TNNI3K: variants seen among roughly 807,000 people sequenced by gnomAD.
TNNI3K encodes the protein serine/threonine-protein kinase TNNI3K.
A neutral mutation model predicts 114.5 loss-of-function variants in TNNI3K; 140 were observed. The ratio of observed to expected loss-of-function variants is 1.22; its 90% confidence interval spans 1.07 to 1.41. The LOEUF (loss-of-function observed/expected upper bound fraction) is 1.41. Among genes scored for constraint, TNNI3K ranks in the 40% most tolerant of loss-of-function variants. TNNI3K has a pLI of 0.00. For missense variants in TNNI3K, 1,125 were observed against 1,007.6 expected, an observed-to-expected ratio of 1.12 and a Z score of -1.58; for synonymous variants, 347 against 347.5, an observed-to-expected ratio of 1.00 and a Z score of 0.02.
At chr1:74,348,835 C>A (rs931662270) in intron 9 of TNNI3K, among the ~76,000 whole-genome samples, 1 of 152,044 alleles carries the variant, frequency 6.6e-6, no homozygotes, top group Non-Finnish European at 1.5e-5. Context: ...GTGATTTTTG[C>A]ACATTGATTT....
rs143188295 is a variant in TNNI3K, at chr1:74,414,120, T to C, written c.1773-21960T>C. ...AGCTATTGTGTTTATTAGTGTTGCA[T>C]TTGTGGCATCTGAATTAATCACGGA... On this transcript the variant is annotated intron_variant, in intron 17 of 24. Coordinates refer to ENST00000326637, the MANE Select transcript of TNNI3K (RefSeq NM_015978.3). 2.4e-4 allele frequency among the ~76,000 whole-genome samples: 37 copies of C among 152,326 alleles called. No individual in the cohort carries two copies. The East Asian group carries it at 6.9e-3, about 29-fold the overall frequency.
chr1:74,524,065 A>C (rs1646469950), intron 23 of TNNI3K, among the ~76,000 whole-genome samples: 1 of 152,236 alleles, frequency 6.6e-6, no homozygotes, highest in Non-Finnish European at 1.5e-5. Flanking sequence ...TTGTTTTTGC[A>C]AAGCATTGAC....
chr1:74,235,643 A>C lies in TNNI3K; in HGVS notation c.40+152A>C, dbSNP rs2100819133. Reference sequence around the variant, plus strand: ...AGTCTTTGAAAAACTATCTGAACTCAAATTATTTTTTTCTGAAGATCTTTA... The same window carrying C: ...AGTCTTTGAAAAACTATCTGAACTCCAATTATTTTTTTCTGAAGATCTTTA... On this transcript the variant is annotated intron_variant, in intron 1 of 24. Coordinates refer to ENST00000326637, the MANE Select transcript of TNNI3K (RefSeq NM_015978.3). 1.9e-5 allele frequency: 9 copies of C among 473,494 alleles called. No homozygotes were observed. The South Asian group carries it at 3.9e-4, about 21-fold the overall frequency. The allele number at this position is 473,494 out of a possible 1,614,324, so 29.3% of individuals were successfully genotyped here.
At chr1:74,444,639 A>G (rs1383258254) in intron 20 of TNNI3K, among the ~76,000 whole-genome samples, 2 of 152,196 alleles carry the variant, frequency 1.3e-5, no homozygotes, top group Non-Finnish European at 2.9e-5. Flanking sequence ...TGCTATTACC[A>G]TTAAGTAACT....
intron 17 of TNNI3K, among the ~76,000 whole-genome samples, chr1:74,394,767 G>A (rs964749635): frequency 1.2e-4 from 19 of 152,282 alleles, no homozygotes; most frequent in African/African-American, 3.6e-4. Context: ...CACTTAGGCC[G>A]GGCGCAGTGG....
rs1000653008 is a variant in TNNI3K at position 74,243,202 on chromosome 1, G to C, written c.150-6257G>C. 5.9e-5 allele frequency among the ~76,000 whole-genome samples: 9 copies of C among 152,236 alleles called. No individual in the cohort carries two copies. In the South Asian group the frequency reaches 1.7e-3, roughly 28 times the overall value. On this transcript the variant is annotated intron_variant, in intron 2 of 24. Transcript: ENST00000326637. Reference sequence around the variant, plus strand: ...ATAATTGTTTATTGTATGAATGGCTGAATAAATGAATATACTTCACAGTAT... The same window carrying C: ...ATAATTGTTTATTGTATGAATGGCTCAATAAATGAATATACTTCACAGTAT...
chr1:74,536,109 C>T (rs531879479), intron 23 of TNNI3K, among the ~76,000 whole-genome samples: 1 of 152,220 alleles, frequency 6.6e-6, no homozygotes, highest in East Asian at 1.9e-4. Context: ...ACTCACTAGC[C>T]TAGTTTGTAG....
intron 17 of TNNI3K, among the ~76,000 whole-genome samples, chr1:74,430,077 C>A (rs1436200062): frequency 6.6e-6 from 1 of 152,100 alleles, no homozygotes; most frequent in African/African-American, 2.4e-5. Context: ...CTTTAAAGAA[C>A]TCCTAATGGT....
intron 23 of TNNI3K, among the ~76,000 whole-genome samples, chr1:74,515,100 G>T (rs1411754708): frequency 6.6e-6 from 1 of 152,176 alleles, no homozygotes; most frequent in Admixed American, 6.5e-5. Context: ...CCTTCAGAAA[G>T]AACCAACCTT....
chr1:74,391,052 C>G (rs72673296), intron 17 of TNNI3K, among the ~76,000 whole-genome samples: 1 of 150,848 alleles, frequency 6.6e-6, no homozygotes, highest in East Asian at 1.9e-4. Flanking sequence ...GCAAAAGCCA[C>G]AACATGTATG....
intron 2 of TNNI3K, among the ~76,000 whole-genome samples, chr1:74,244,414 T>TAGCTG (rs1184319962): frequency 6.6e-6 from 1 of 152,088 alleles, no homozygotes; most frequent in Non-Finnish European, 1.5e-5. Context: ...AAGATTCAGT[T>TAGCTG]AGCTGAGGAA....
intron 17 of TNNI3K, among the ~76,000 whole-genome samples, chr1:74,399,785 G>T (rs1293563191): frequency 6.6e-6 from 1 of 152,024 alleles, no homozygotes; most frequent in Non-Finnish European, 1.5e-5. Context: ...AGAGTGAGAG[G>T]GTTCACAATT....
At chr1:74,356,567 T>C (rs896075654) in intron 11 of TNNI3K, among the ~76,000 whole-genome samples, 1 of 152,234 alleles carries the variant, frequency 6.6e-6, no homozygotes, top group Non-Finnish European at 1.5e-5. Context: ...TTAGCTTCAG[T>C]GTAAGACTGT....
At chr1:74,515,682 A>T (rs1646339259) in intron 23 of TNNI3K, among the ~76,000 whole-genome samples, 1 of 152,202 alleles carries the variant, frequency 6.6e-6, no homozygotes, top group Admixed American at 6.5e-5. Flanking sequence ...GGGCAGACAC[A>T]ACAGGTGAGG....
At chr1:74,358,578 A>C (rs1280791021) in intron 11 of TNNI3K, among the ~76,000 whole-genome samples, 1 of 152,064 alleles carries the variant, frequency 6.6e-6, no homozygotes. Context: ...ATAAATTTTC[A>C]CCAATAGATT....
At chr1:74,432,910 C>T (rs1391661810) in intron 17 of TNNI3K, among the ~76,000 whole-genome samples, 1 of 152,000 alleles carries the variant, frequency 6.6e-6, no homozygotes, top group African/African-American at 2.4e-5. Flanking sequence ...AGCTATGATA[C>T]AGGACACTGA....
chr1:74,311,434 C>A (rs548865360), intron 5 of TNNI3K, among the ~76,000 whole-genome samples: 1 of 152,174 alleles, frequency 6.6e-6, no homozygotes, highest in South Asian at 2.1e-4. Context: ...AATTATAAGT[C>A]CCCTTGGTTC....
At chr1:74,325,666 A>G (rs1570468206) in intron 5 of TNNI3K, among the ~76,000 whole-genome samples, 1 of 152,180 alleles carries the variant, frequency 6.6e-6, no homozygotes, top group Non-Finnish European at 1.5e-5. Context: ...GACAGATTGT[A>G]GTGGGCTGAG....
At chr1:74,531,304 C>T (rs892326704) in intron 23 of TNNI3K, among the ~76,000 whole-genome samples, 1 of 152,174 alleles carries the variant, frequency 6.6e-6, no homozygotes, top group Non-Finnish European at 1.5e-5. Flanking sequence ...GCTTTGAAAA[C>T]AGCCAGGATG....
Sources: allele counts gnomAD v4.1 joint callset (sites outside exome capture counted in the v4.1 genomes callset), GRCh38; gene constraint gnomAD v4.1.1; transcripts MANE v1.5; gene names NCBI Gene and HGNC (gene_info 2026-07-23, HGNC 2026-07-21).